Variants in PDE11A observed in about 807,000 individuals in gnomAD.
The protein encoded by PDE11A is dual 3',5'-cyclic-AMP and -GMP phosphodiesterase 11A.
PDE11A carries 100 observed loss-of-function variants against 100.5 expected under a neutral mutation model. The observed-to-expected ratio is 1.00, with a 90% confidence interval of 0.85 to 1.18. PDE11A has a LOEUF of 1.18. PDE11A is among the 50% of genes most tolerant of loss of function. The probability of loss-of-function intolerance (pLI) is 0.00; values close to 1 mark genes in which losing one functional copy is unlikely to be tolerated. For missense variants in PDE11A, 1,141 were observed against 1,152.6 expected (o/e 0.99, Z 0.15); for synonymous variants, 381 against 420.8 (o/e 0.91, Z 1.16).
At chr2:177,771,075 CGCCTCA>C (rs2082305186) in intron 9 of PDE11A, among the ~76,000 whole-genome samples, 1 of 152,142 alleles carries the variant, frequency 6.6e-6, no homozygotes, top group African/African-American at 2.4e-5. Context: ...GCGATCCTCC[CGCCTCA>C]GCCTCCCAAA....
chr2:178,101,813 C>A (rs2087562321), intron 2 of PDE11A, among the ~76,000 whole-genome samples: 1 of 152,044 alleles, frequency 6.6e-6, no homozygotes, highest in African/African-American at 2.4e-5. Flanking sequence ...TTGCACTTCC[C>A]AAATACAATG....
chr2:177,775,493 T>A (rs1271731360), intron 9 of PDE11A, among the ~76,000 whole-genome samples: 2 of 152,174 alleles, frequency 1.3e-5, no homozygotes, highest in African/African-American at 4.8e-5. Context: ...TTCAATGGCA[T>A]CCACAGATTG....
intron 1 of PDE11A, among the ~76,000 whole-genome samples, chr2:178,055,105 C>T (rs1399286141): frequency 6.6e-6 from 1 of 152,100 alleles, no homozygotes; most frequent in Non-Finnish European, 1.5e-5. Context: ...CCCAAATGTC[C>T]ATCAATGATA....
At chr2:177,882,873 G>A (rs1574248883) in intron 4 of PDE11A, among the ~76,000 whole-genome samples, 1 of 151,914 alleles carries the variant, frequency 6.6e-6, no homozygotes, top group Admixed American at 6.6e-5. Context: ...TAGATATTCC[G>A]GGCACCAAAA....
chr2:177,631,291 C>CAAAAAAAAAAAAAA (rs869059416), intron 19 of PDE11A, among the ~76,000 whole-genome samples: 9 of 11,834 alleles, frequency 7.6e-4, no homozygotes, highest in African/African-American at 1.6e-3. Context: ...ACTAAAAATG[C>CAAAAAAAAAAAAAA]AAAAAAAAAA....
intron 19 of PDE11A, among the ~76,000 whole-genome samples, chr2:177,650,675 T>C (rs935899032): frequency 2.6e-5 from 4 of 152,240 alleles, no homozygotes; most frequent in African/African-American, 7.2e-5. Context: ...TGAGGTAATA[T>C]ATTTCAAATT....
At chr2:177,801,740 A>T (rs1334107300) in intron 9 of PDE11A, among the ~76,000 whole-genome samples, 26 of 152,092 alleles carry the variant, frequency 1.7e-4, no homozygotes, top group Admixed American at 1.7e-3. Context: ...GTAAAAGCTA[A>T]ACCCAAAAAA....
rs948641485 is a variant in PDE11A, at chr2:177,627,197, C to T, written c.*2210G>A. 4.0e-5 allele frequency: 6 copies of T among 151,332 alleles called. No homozygotes were observed. The highest frequency in any genetic ancestry group is 1.5e-4 in the African/African-American group (6 of 41,168). 9.4% of individuals were successfully genotyped at this position (151,332 alleles called of 1,614,324 possible). On this transcript the variant is annotated 3_prime_UTR_variant, in exon 20 of 20. Transcript: ENST00000286063. ...TACAGACGCCTGCCACCGCGCCTGG[C>T]TAATTTGTTTTGTGTTTTTTAGTAG...
chr2:177,855,672 T>G (rs927868579), intron 5 of PDE11A, among the ~76,000 whole-genome samples: 3 of 152,010 alleles, frequency 2.0e-5, no homozygotes, highest in Non-Finnish European at 4.4e-5. Context: ...GAACTTGTCT[T>G]TATTTGACCT....
chr2:177,964,412 G>A (rs972726036), intron 2 of PDE11A, among the ~76,000 whole-genome samples: 1 of 151,878 alleles, frequency 6.6e-6, no homozygotes, highest in African/African-American at 2.4e-5. Flanking sequence ...TAGGTTCAGG[G>A]GGTACATGTG....
chr2:177,794,041 T>G (rs148031017), intron 9 of PDE11A, among the ~76,000 whole-genome samples: 40 of 152,144 alleles, frequency 2.6e-4, no homozygotes, highest in African/African-American at 8.9e-4. Flanking sequence ...TCTCTGCCAG[T>G]ATGGGGCTTA....
intron 1 of PDE11A, among the ~76,000 whole-genome samples, chr2:178,050,416 G>C (rs765020813): frequency 3.3e-5 from 5 of 152,146 alleles, no homozygotes; most frequent in Non-Finnish European, 7.4e-5. Flanking sequence ...GAGCAGAAAA[G>C]CTGAAAATTC....
intron 12 of PDE11A, among the ~76,000 whole-genome samples, chr2:177,715,649 T>G (rs1278118162): frequency 1.3e-5 from 2 of 152,124 alleles, no homozygotes; most frequent in Non-Finnish European, 2.9e-5. Flanking sequence ...TTATAAAAAT[T>G]TTCTTGTTTG....
chr2:177,704,248 T>C (rs2081244671), intron 13 of PDE11A, among the ~76,000 whole-genome samples: 1 of 152,210 alleles, frequency 6.6e-6, no homozygotes, highest in Non-Finnish European at 1.5e-5. Context: ...GGAATTTTTC[T>C]CTGATCAACC....
intron 10 of PDE11A, among the ~76,000 whole-genome samples, chr2:177,747,641 T>TTCCA (rs2081970222): frequency 6.6e-6 from 1 of 152,248 alleles, no homozygotes; most frequent in Non-Finnish European, 1.5e-5. Flanking sequence ...CCTCTTCCAC[T>TTCCA]TCCATCCCCA....
intron 1 of PDE11A, among the ~76,000 whole-genome samples, chr2:178,036,678 T>C (rs544779459): frequency 6.6e-6 from 1 of 152,050 alleles, no homozygotes; most frequent in Non-Finnish European, 1.5e-5. Flanking sequence ...AACAGATACA[T>C]AGACCAACGG....
intron 10 of PDE11A, among the ~76,000 whole-genome samples, chr2:177,765,572 C>G (rs1287219452): frequency 6.6e-6 from 1 of 152,230 alleles, no homozygotes; most frequent in Admixed American, 6.5e-5. Context: ...TGCCACGGGT[C>G]CGTAGTGATG....
At chr2:177,874,241 G>A (rs1465876169) in intron 5 of PDE11A, among the ~76,000 whole-genome samples, 5 of 152,120 alleles carry the variant, frequency 3.3e-5, no homozygotes, top group Admixed American at 6.5e-5. Flanking sequence ...GATGAACCTT[G>A]GCTTTCTCCT....
chr2:177,705,600 AT>A lies in PDE11A; in HGVS notation c.2154-4390del, dbSNP rs531026685. ...TTGGCACTTTGCACAGGCACCAAAAATGTGTGCAAATGTAAATGTACCTTCA... is the reference window on the plus strand; with the variant it reads ...TTGGCACTTTGCACAGGCACCAAAAAGTGTGCAAATGTAAATGTACCTTCA... On this transcript the variant is annotated intron_variant, in intron 13 of 19. Transcript: ENST00000286063. Among the ~76,000 whole-genome samples, 3 of 152,214 alleles carry A rather than the reference AT, an allele frequency of 2.0e-5. No individual in the cohort carries two copies. In the South Asian group the frequency reaches 6.2e-4, roughly 32 times the overall value.
Sources: gnomAD v4.1 joint callset for allele counts (sites outside exome capture counted in the v4.1 genomes callset) on GRCh38, gnomAD v4.1.1 for gene constraint, MANE v1.5 for transcripts, NCBI Gene and HGNC (gene_info 2026-07-23, HGNC 2026-07-21) for gene names.